Variants in FGF14 observed in about 807,000 individuals in gnomAD.
FGF14 encodes fibroblast growth factor homologous factor 4.
In FGF14, 5 loss-of-function variants were observed where a neutral mutation model predicts 25.5. That is an observed-to-expected ratio of 0.20 (90% CI 0.10 to 0.41). FGF14 has a LOEUF of 0.41. Among genes scored for constraint, FGF14 ranks in the 10% least tolerant of loss-of-function variants. FGF14 has a pLI of 1.00. For missense variants in FGF14, 222 were observed against 320.1 expected, an observed-to-expected ratio of 0.69 and a Z score of 2.34; for synonymous variants, 138 against 118.3, an observed-to-expected ratio of 1.17 and a Z score of -1.08.
rs2044808340 is a variant in FGF14, at chr13:102,104,470, TCA to T, written c.209-229176_209-229175del. ...TAAATAATCAATGATTTAAGAACTC[TCA>T]CTGCCAAAGGTATTTGCATTCTACA... On this transcript the variant is annotated intron_variant, in intron 1 of 4. Coordinates refer to the FGF14 transcript ENST00000376131. Among the ~76,000 whole-genome samples, 6 of 152,268 alleles carry T rather than the reference TCA, an allele frequency of 3.9e-5. No individual in the cohort carries two copies. The South Asian group carries it at 1.2e-3, about 32-fold the overall frequency.
chr13:102,060,591 T>G (rs766889524), intron 1 of FGF14, among the ~76,000 whole-genome samples: 1 of 152,232 alleles, frequency 6.6e-6, no homozygotes, highest in African/African-American at 2.4e-5. Flanking sequence ...CATTTTTTGA[T>G]AGCTATCCTC....
chr13:101,895,000 T>A (rs967446472), intron 1 of FGF14, among the ~76,000 whole-genome samples: 37 of 152,336 alleles, frequency 2.4e-4, no homozygotes, highest in African/African-American at 8.4e-4. Flanking sequence ...GAATATTAGT[T>A]CATCCAATAT....
intron 3 of FGF14, among the ~76,000 whole-genome samples, chr13:101,733,016 T>C (rs2035912771): frequency 6.6e-6 from 1 of 152,188 alleles, no homozygotes; most frequent in Non-Finnish European, 1.5e-5. Flanking sequence ...ATTCTGACAC[T>C]AACCACTTCT....
intron 3 of FGF14, among the ~76,000 whole-genome samples, chr13:101,853,468 T>G (rs1471034398): frequency 1.1e-4 from 16 of 152,094 alleles, no homozygotes; most frequent in Non-Finnish European, 2.1e-4. Context: ...ATTTTTTTAG[T>G]TAGAGACAGG....
chr13:101,863,713 A>G (rs1375223098), intron 3 of FGF14, among the ~76,000 whole-genome samples: 1 of 152,152 alleles, frequency 6.6e-6, no homozygotes, highest in East Asian at 1.9e-4. Flanking sequence ...TACTGATAAA[A>G]CAGAGCAGTT....
intron 1 of FGF14, among the ~76,000 whole-genome samples, chr13:101,880,374 C>T (rs2045635232): frequency 6.6e-6 from 1 of 152,028 alleles, no homozygotes; most frequent in Admixed American, 6.6e-5. Flanking sequence ...TCGAGACCAG[C>T]CTGACCAACA....
At position 101,813,712 on chromosome 13, in the gene FGF14, G is replaced by T. The variant is rs530873601; in HGVS notation, c.408+55013C>A. On this transcript the variant is annotated intron_variant, in intron 3 of 4. Coordinates refer to ENST00000376143, the MANE Select transcript of FGF14 (RefSeq NM_004115.4). ...ATTTCAAATTGGCCCAGTACAAAGT[G>T]TTCCAGAAACAGATGTATTTAAAAT... is the stretch of plus-strand genomic sequence containing the variant. Among the ~76,000 whole-genome samples, 4 of 152,294 alleles carry T rather than the reference G, an allele frequency of 2.6e-5. No individual in the cohort carries two copies. The East Asian group carries it at 5.8e-4, about 22-fold the overall frequency.
intron 1 of FGF14, among the ~76,000 whole-genome samples, chr13:102,128,604 A>ATGTTATCACTC (rs1491150088): frequency 3.3e-5 from 5 of 152,214 alleles, no homozygotes; most frequent in Non-Finnish European, 5.9e-5. Flanking sequence ...CCATGAACAC[A>ATGTTATCACTC]TGTTATCACT....
chr13:102,194,613 G>C (rs142830878), intron 1 of FGF14, among the ~76,000 whole-genome samples: 2 of 152,254 alleles, frequency 1.3e-5, no homozygotes, highest in African/African-American at 4.8e-5. Context: ...ATGTCCCTGT[G>C]ATGCTATCAA....
At chr13:102,080,319 A>G (rs2043558306) in intron 1 of FGF14, among the ~76,000 whole-genome samples, 1 of 152,040 alleles carries the variant, frequency 6.6e-6, no homozygotes, top group South Asian at 2.1e-4. Flanking sequence ...GTTTTGATGA[A>G]ATGTCTACAG....
At chr13:102,116,202 A>C (rs2045464363) in intron 1 of FGF14, among the ~76,000 whole-genome samples, 1 of 152,214 alleles carries the variant, frequency 6.6e-6, no homozygotes, top group African/African-American at 2.4e-5. Context: ...AAAAGGAAAA[A>C]TAGCAAGTGC....
chr13:101,745,541 A>G (rs2036832055), intron 3 of FGF14, among the ~76,000 whole-genome samples: 1 of 152,062 alleles, frequency 6.6e-6, no homozygotes, highest in African/African-American at 2.4e-5. Flanking sequence ...ATCCCTGGTA[A>G]TCAGTAATCT....
At chr13:102,141,365 C>T (rs527522109) in intron 1 of FGF14, among the ~76,000 whole-genome samples, 2 of 152,248 alleles carry the variant, frequency 1.3e-5, no homozygotes, top group South Asian at 2.1e-4. Context: ...GTTACTGCTA[C>T]GTTAAACAAG....
chr13:102,194,523 C>T (rs966886784), intron 1 of FGF14, among the ~76,000 whole-genome samples: 2 of 151,912 alleles, frequency 1.3e-5, no homozygotes, highest in Non-Finnish European at 2.9e-5. Context: ...AATCAGTGAA[C>T]TTGAAGACAG....
At chr13:102,369,495 C>T (rs2057813507) in intron 1 of FGF14, among the ~76,000 whole-genome samples, 1 of 152,126 alleles carries the variant, frequency 6.6e-6, no homozygotes, top group African/African-American at 2.4e-5. Flanking sequence ...AATGTCTGTT[C>T]GATGCTGAGT....
chr13:101,821,095 C>T (rs1169171030), intron 3 of FGF14, among the ~76,000 whole-genome samples: 2 of 149,086 alleles, frequency 1.3e-5, no homozygotes, highest in Admixed American at 6.7e-5. Context: ...AGTACAGGCG[C>T]CCGCTACCAC....
At chr13:102,239,985 T>C (rs2051514122) in intron 1 of FGF14, among the ~76,000 whole-genome samples, 1 of 152,214 alleles carries the variant, frequency 6.6e-6, no homozygotes, top group Admixed American at 6.5e-5. Context: ...AGCATTTTGT[T>C]CTGATTGGGG....
intron 3 of FGF14, among the ~76,000 whole-genome samples, chr13:101,764,995 T>C (rs2038288315): frequency 6.6e-6 from 1 of 152,188 alleles, no homozygotes; most frequent in Admixed American, 6.5e-5. Flanking sequence ...GTGTTTGTCA[T>C]AAAGTCATGC....
intron 1 of FGF14, among the ~76,000 whole-genome samples, chr13:101,903,906 C>A (rs1179993784): frequency 6.6e-6 from 1 of 152,126 alleles, no homozygotes; most frequent in Non-Finnish European, 1.5e-5. Flanking sequence ...TTGTTACAGG[C>A]ATAGATTGCA....
Sources: allele counts gnomAD v4.1 joint callset (sites outside exome capture counted in the v4.1 genomes callset), GRCh38; gene constraint gnomAD v4.1.1; transcripts MANE v1.5; gene names NCBI Gene and HGNC (gene_info 2026-07-23, HGNC 2026-07-21).